Variants in SLC25A46 observed in about 807,000 individuals in gnomAD.
SLC25A46 encodes the protein solute carrier family 25 member 46, also known as mitochondrial outer membrane protein SLC25A46.
In SLC25A46, 39 loss-of-function variants were observed where a neutral mutation model predicts 44.6. The ratio of observed to expected loss-of-function variants is 0.87; its 90% confidence interval spans 0.68 to 1.14. The LOEUF (loss-of-function observed/expected upper bound fraction) is 1.14. Ranked by LOEUF, SLC25A46 falls within the 50% of genes most tolerant of loss-of-function variation. The pLI is 0.00. For synonymous variants in SLC25A46, 202 were observed against 185.8 expected, an observed-to-expected ratio of 1.09 and a Z score of -0.71; for missense variants, 547 against 522.7, an observed-to-expected ratio of 1.05 and a Z score of -0.45.
chr5:110,756,833 C>T (rs1800129370), intron 7 of SLC25A46, 74 bp downstream of exon 7: 3 of 998,212 alleles, frequency 3.0e-6, no homozygotes, highest in Middle Eastern at 6.8e-4. Flanking sequence ...TTGTAGATAT[C>T]TAACATTTCA....
At position 110,742,613 on chromosome 5, in the gene SLC25A46, A is replaced by G. The variant is rs190309273; in HGVS notation, c.326+524A>G. On this transcript the variant is annotated intron_variant, in intron 2 of 7. Coordinates refer to ENST00000355943, the MANE Select transcript of SLC25A46 (RefSeq NM_138773.4). ...GTATTATATATTGTTTCCCTTACTT[A>G]CCTGTTTGCAGATCTGGTTTTCATT... Among the ~76,000 whole-genome samples the G allele has an allele frequency of 1.1e-3, 169 of 151,974 alleles. 1 individual carries two copies. Among genetic ancestry groups the G allele is most frequent in the Middle Eastern group, 6.8e-3 (2 of 292 alleles).
rs1447123223 is a variant in SLC25A46 at position 110,748,208 on chromosome 5, C to T, written c.508C>T (p.Gln170Ter). 1 of 1,613,574 alleles carries T rather than the reference C, an allele frequency of 6.2e-7. No individual in the cohort carries two copies. The highest frequency in any genetic ancestry group is 1.7e-5 in the Admixed American group (1 of 60,010). Residue 170 changes from glutamine to a stop codon, truncating the protein, a stop_gained, in exon 5 of 8, where the codon CAG (glutamine) becomes TAG (stop). Coordinates refer to ENST00000355943, the MANE Select transcript of SLC25A46 (RefSeq NM_138773.4). LOFTEE classifies it high-confidence loss of function. The part of the protein sequence containing the change: ...WKGMGSTFIV[Q>*]GVTLGAEGII... ...AGGAATGGGAAGTACATTTATTGTC[C>T]AGGGAGTCACACTTGGAGCAGAAGG...
At chr5:110,744,963 G>T (rs1297006437) in intron 3 of SLC25A46, among the ~76,000 whole-genome samples, 2 of 152,144 alleles carry the variant, frequency 1.3e-5, no homozygotes, top group Non-Finnish European at 1.5e-5. Context: ...CATTGTCAAG[G>T]ATATTACTAT....
At position 110,763,070 on chromosome 5, in the gene SLC25A46, T is replaced by C. The variant is rs1800298902; in HGVS notation, c.*1288T>C. On this transcript the variant is annotated 3_prime_UTR_variant, in exon 8 of 8. Transcript: ENST00000355943. ...TACTAATCAGTTTAATAAAAACATTTTGTCTATTCCTAAATGTAATTTGGT... is the reference window on the plus strand; with the variant it reads ...TACTAATCAGTTTAATAAAAACATTCTGTCTATTCCTAAATGTAATTTGGT... 6.6e-6 allele frequency: 1 copy of C among 151,914 alleles called. No homozygotes were observed. Among genetic ancestry groups the C allele is most frequent in the African/African-American group, 2.4e-5 (1 of 41,428 alleles). The allele number at this position is 151,914 out of a possible 1,614,324, so 9.4% of individuals were successfully genotyped here.
At chr5:110,741,747 T>C (rs970578682) in intron 1 of SLC25A46, 22 of 220,472 alleles carry the variant, frequency 1.0e-4, no homozygotes, top group African/African-American at 4.8e-4. Context: ...ATATCTTTTT[T>C]TGAAAAAATT....
chr5:110,742,683 C>A (rs1799720338), intron 2 of SLC25A46, among the ~76,000 whole-genome samples: 4 of 152,066 alleles, frequency 2.6e-5, no homozygotes, highest in Admixed American at 2.6e-4. Context: ...TGTAATCTGT[C>A]TGTCTCCCAT....
Position 110,739,085 on chromosome 5 carries a change from T to C in SLC25A46, c.-35T>C. On this transcript the variant is annotated 5_prime_UTR_variant, in exon 1 of 8. Coordinates refer to ENST00000355943, the MANE Select transcript of SLC25A46 (RefSeq NM_138773.4). ...CGTGGTGGCCCCGGTGGTGGTGGGC[T>C]CCGGGCGGGCTCGCGTCATCCTGCC... is the stretch of plus-strand genomic sequence containing the variant. The C allele has an allele frequency of 1.3e-6, 2 of 1,537,560 alleles. No homozygotes were observed. Among genetic ancestry groups the C allele is most frequent in the East Asian group, 2.5e-5 (1 of 40,672 alleles).
At chr5:110,738,781 C>G (rs938488344), upstream of SLC25A46, 1 of 381,008 alleles carries the variant, frequency 2.6e-6, no homozygotes, top group South Asian at 3.5e-5. Flanking sequence ...GAACTCCTCC[C>G]ATGCAGGCCC....
chr5:110,760,727 A>C (rs1270745138), intron 7 of SLC25A46, among the ~76,000 whole-genome samples: 1 of 152,164 alleles, frequency 6.6e-6, no homozygotes, highest in Non-Finnish European at 1.5e-5. Context: ...TTTTCATTTA[A>C]TATTCACAAC....
intron 7 of SLC25A46, among the ~76,000 whole-genome samples, chr5:110,759,369 C>T (rs1800189965): frequency 6.6e-6 from 1 of 152,116 alleles, no homozygotes; most frequent in South Asian, 2.1e-4. Context: ...AGAGGGAAGG[C>T]AAGTGCAAAT....
chr5:110,739,047 T>C lies in SLC25A46; in HGVS notation c.-73T>C, dbSNP rs1799516992. 6.7e-7 allele frequency: 1 copy of C among 1,498,836 alleles called. No homozygotes were observed. Among genetic ancestry groups the C allele is most frequent in the African/African-American group, 1.4e-5 (1 of 70,302 alleles). 92.8% of individuals were successfully genotyped at this position (1,498,836 alleles called of 1,614,324 possible). A position where few individuals can be genotyped will look rare whatever the true frequency, so the allele number is the denominator to read the frequency against. On this transcript the variant is annotated 5_prime_UTR_variant, in exon 1 of 8. Transcript: ENST00000355943. The stretch of plus-strand genomic sequence containing the variant: ...CGCGGCGGCGGCCGACGGGAAGCTG[T>C]GTGTGCTTAGGTCGTGGTGGCCCCG...
Position 110,742,040 on chromosome 5 carries a change from A to C in SLC25A46, c.284-7A>C, listed in dbSNP as rs1211446353. 1 of 1,548,534 alleles carries C rather than the reference A, an allele frequency of 6.5e-7. No individual in the cohort carries two copies. The highest frequency in any genetic ancestry group is 1.4e-5 in the African/African-American group (1 of 72,010). On this transcript the variant is annotated splice_polypyrimidine_tract_variant and splice_region_variant and intron_variant, in intron 1 of 7. Transcript: ENST00000355943. ...TATTTTTTTATTTCTATTTTTTTTT[A>C]CTTTAGAACAGCTGAATAGATTTGC...
intron 5 of SLC25A46, chr5:110,753,918 T>C (rs1800035983): frequency 6.6e-6 from 1 of 152,178 alleles, no homozygotes; most frequent in Non-Finnish European, 1.5e-5. Flanking sequence ...CAAGATGATT[T>C]ACAAAGCATG....
chr5:110,749,519 G>A (rs1799906919), intron 5 of SLC25A46, among the ~76,000 whole-genome samples: 1 of 150,240 alleles, frequency 6.7e-6, no homozygotes, highest in Non-Finnish European at 1.5e-5. Flanking sequence ...GTGGGAAGGG[G>A]GGTAGTTGGG....
intron 5 of SLC25A46, among the ~76,000 whole-genome samples, chr5:110,750,814 A>T (rs1799949924): frequency 6.6e-6 from 1 of 152,170 alleles, no homozygotes; most frequent in African/African-American, 2.4e-5. Context: ...CTATTGGTTC[A>T]GGTCCTGGCT....
Position 110,746,268 on chromosome 5 carries a change from G to A in SLC25A46, c.385-1G>A, listed in dbSNP as rs1799815595. 6.4e-7 allele frequency: 1 copy of A among 1,568,756 alleles called. No homozygotes were observed. The highest frequency in any genetic ancestry group is 8.6e-7 in the Non-Finnish European group (1 of 1,159,212). ...AAAATAATGAAATATCTTTTTTACA[G>A]GTTAATTACCATGCTCAGCATTACC... On this transcript the variant is annotated splice_acceptor_variant, in intron 3 of 7. Coordinates refer to ENST00000355943, the MANE Select transcript of SLC25A46 (RefSeq NM_138773.4). LOFTEE classifies it high-confidence loss of function.
chr5:110,755,340 AG>A (rs1371186335), intron 5 of SLC25A46, 124 bp from the exon 6 acceptor site: 6 of 624,240 alleles, frequency 9.6e-6, no homozygotes, highest in Non-Finnish European at 1.7e-5. Context: ...GTTCACCATT[AG>A]AATATATTTC....
At chr5:110,746,410 T>A in intron 4 of SLC25A46, 64 bp downstream of exon 4, 1 of 1,102,864 alleles carries the variant, frequency 9.1e-7, no homozygotes, top group Non-Finnish European at 1.3e-6. Context: ...TAGTAATCAT[T>A]AAAGCAAGAA....
Position 110,746,253 on chromosome 5 carries a change from AAT to A in SLC25A46, c.385-13_385-12del. On this transcript the variant is annotated splice_polypyrimidine_tract_variant and intron_variant, in intron 3 of 7. Transcript: ENST00000355943. ...AAACATTAACAGAAAAAAATAATGA[AAT>A]ATCTTTTTTACAGGTTAATTACCAT... 6.5e-7 allele frequency: 1 copy of A among 1,534,970 alleles called. No individual in the cohort carries two copies. Among genetic ancestry groups the A allele is most frequent in the Non-Finnish European group, 8.8e-7 (1 of 1,134,348 alleles).
Sources: allele counts gnomAD v4.1 joint callset (sites outside exome capture counted in the v4.1 genomes callset), GRCh38; gene constraint gnomAD v4.1.1; transcripts MANE v1.5; gene names NCBI Gene and HGNC (gene_info 2026-07-23, HGNC 2026-07-21).